The following LY6S variants were observed in gnomAD, a reference collection of about 807,000 sequenced individuals.
LY6S encodes the protein lymphocyte antigen 6 family member S, also known as lymphocyte antigen 6S.
chr8:143,058,709 A>C, the LY6S span, among the ~76,000 whole-genome samples: 1 of 152,216 alleles, frequency 6.6e-6, no homozygotes, highest in Admixed American at 6.5e-5. Flanking sequence ...GGAAAGGGAG[A>C]CTTCCTTTCC....
At chr8:143,054,397 T>C in the LY6S span, 1 of 147,888 alleles carries the variant, frequency 6.8e-6, no homozygotes, top group South Asian at 2.3e-4. Flanking sequence ...AACACTACCA[T>C]CCAACTCTAC....
chr8:143,071,424 G>A, the LY6S span, among the ~76,000 whole-genome samples: 2 of 152,132 alleles, frequency 1.3e-5, no homozygotes, highest in African/African-American at 4.8e-5. Flanking sequence ...GTCAAAACCC[G>A]CAGAATATAC....
the LY6S span, among the ~76,000 whole-genome samples, chr8:143,043,698 G>A: frequency 6.6e-6 from 1 of 151,812 alleles, no homozygotes; most frequent in South Asian, 2.1e-4. Flanking sequence ...TTTTTGAGAT[G>A]GAGTTTTGCT....
chr8:143,046,026 G>T, the LY6S span, among the ~76,000 whole-genome samples: 20 of 152,092 alleles, frequency 1.3e-4, no homozygotes, highest in African/African-American at 4.8e-4. Flanking sequence ...GTTAATTTTT[G>T]TATATTAGTA....
the LY6S span, among the ~76,000 whole-genome samples, chr8:143,052,039 T>C: frequency 6.6e-6 from 1 of 150,844 alleles, no homozygotes; most frequent in Non-Finnish European, 1.5e-5. Flanking sequence ...CCCAGCACTT[T>C]GGGAAGCTGA....
chr8:143,070,449 T>C, the LY6S span, among the ~76,000 whole-genome samples: 523 of 24,696 alleles, frequency 0.021, 14 homozygotes, highest in African/African-American at 0.082. Flanking sequence ...ATATATTGTA[T>C]ATATATATAT....
At chr8:143,069,774 A>G in the LY6S span, among the ~76,000 whole-genome samples, 1 of 152,136 alleles carries the variant, frequency 6.6e-6, no homozygotes, top group Non-Finnish European at 1.5e-5. Context: ...CTTGCTTTCT[A>G]CCGGCCCCTG....
chr8:143,073,297 CGG>C, the LY6S span, among the ~76,000 whole-genome samples: 1 of 101,048 alleles, frequency 9.9e-6, no homozygotes, highest in African/African-American at 5.4e-5. Flanking sequence ...CCGTCGTCCC[CGG>C]GGCTCCTGTT....
the LY6S span, among the ~76,000 whole-genome samples, chr8:143,070,441 ATATTG>A: frequency 4.2e-5 from 3 of 72,044 alleles, no homozygotes; most frequent in African/African-American, 2.9e-4. Context: ...TATTATATAT[ATATTG>A]TATATATATA....
the LY6S span, among the ~76,000 whole-genome samples, chr8:143,069,263 G>A: frequency 1.3e-5 from 2 of 152,194 alleles, no homozygotes; most frequent in African/African-American, 2.4e-5. Context: ...GTAACTGAGT[G>A]GCTGGTCTTC....
chr8:143,064,643 C>T, the LY6S span, among the ~76,000 whole-genome samples: 1 of 152,252 alleles, frequency 6.6e-6, no homozygotes, highest in African/African-American at 2.4e-5. Context: ...CAAAGGTGAC[C>T]AACAATTGGC....
chr8:143,051,618 G>A, the LY6S span, among the ~76,000 whole-genome samples: 1 of 152,134 alleles, frequency 6.6e-6, no homozygotes, highest in African/African-American at 2.4e-5. Flanking sequence ...GAAGGTTAGT[G>A]GCTCATAGGT....
At chr8:143,048,445 C>T in the LY6S span, among the ~76,000 whole-genome samples, 3 of 149,926 alleles carry the variant, frequency 2.0e-5, no homozygotes, top group African/African-American at 4.9e-5. Context: ...ATTGTCTGAT[C>T]GGGTTTTCTG....
the LY6S span, among the ~76,000 whole-genome samples, chr8:143,064,021 C>T: frequency 1.3e-5 from 2 of 152,318 alleles, no homozygotes; most frequent in African/African-American, 4.8e-5. Context: ...GTGTTAGACC[C>T]AGTCTCTCAG....
chr8:143,051,928 T>C, the LY6S span, among the ~76,000 whole-genome samples: 161 of 112,868 alleles, frequency 1.4e-3, no homozygotes, highest in Middle Eastern at 0.051. Flanking sequence ...GCCGAGATCG[T>C]GCCACTGCAC....
At chr8:143,076,104 G>C in the LY6S span, among the ~76,000 whole-genome samples, 1 of 152,168 alleles carries the variant, frequency 6.6e-6, no homozygotes, top group Non-Finnish European at 1.5e-5. Context: ...GAGCTCCCTG[G>C]TGCCTGTGTG....
At chr8:143,056,116 C>T in the LY6S span, among the ~76,000 whole-genome samples, 1,284 of 150,346 alleles carry the variant, frequency 8.5e-3, 14 homozygotes, top group African/African-American at 0.029. Flanking sequence ...TACACAGTGC[C>T]GCGGGTTTCC....
chr8:143,042,888 TGGGGGGCATGGGCTGGAGGG>T, the LY6S span: 1 of 678,020 alleles, frequency 1.5e-6, no homozygotes, highest in South Asian at 1.5e-5. Context: ...GTGGTGTTGT[TGGGGGGCATGGGCTGGAGGG>T]CCTGGGCCCA....
At chr8:143,044,602 C>T in the LY6S span, 1 of 1,248,912 alleles carries the variant, frequency 8.0e-7, no homozygotes, top group Non-Finnish European at 1.0e-6. Context: ...TGTAGGGGGA[C>T]CTTGGTCCAT....
Sources: gnomAD v4.1 joint callset for allele counts (sites outside exome capture counted in the v4.1 genomes callset) on GRCh38, gnomAD v4.1.1 for gene constraint, MANE v1.5 for transcripts, NCBI Gene and HGNC (gene_info 2026-07-23, HGNC 2026-07-21) for gene names.